Variants in NELL1 observed in about 807,000 individuals in gnomAD.
The protein encoded by NELL1 is protein kinase C-binding protein NELL1.
A neutral mutation model predicts 107.4 loss-of-function variants in NELL1; 76 were observed. That is an observed-to-expected ratio of 0.71 (90% CI 0.59 to 0.86). NELL1 has a LOEUF of 0.86. Ranked by LOEUF, NELL1 falls within the 40% of genes least tolerant of loss-of-function variation. NELL1 has a pLI of 0.00. For missense variants in NELL1, 1,024 were observed against 1,005.5 expected, an observed-to-expected ratio of 1.02 and a Z score of -0.25; for synonymous variants, 353 against 341.2, an observed-to-expected ratio of 1.03 and a Z score of -0.38.
intron 15 of NELL1, among the ~76,000 whole-genome samples, chr11:21,382,566 G>A (rs905187246): frequency 1.3e-5 from 2 of 151,966 alleles, no homozygotes; most frequent in Admixed American, 1.3e-4. Context: ...CTAAGTTAAA[G>A]TATATTATAT....
chr11:21,564,917 C>T (rs1301663448), intron 17 of NELL1, among the ~76,000 whole-genome samples: 1 of 151,880 alleles, frequency 6.6e-6, no homozygotes, highest in Non-Finnish European at 1.5e-5. Flanking sequence ...GCGACACTCT[C>T]AAGAACTCAT....
intron 14 of NELL1, among the ~76,000 whole-genome samples, chr11:21,319,850 G>A (rs1849970009): frequency 6.6e-6 from 1 of 151,962 alleles, no homozygotes; most frequent in South Asian, 2.1e-4. Context: ...TCAAAGCACT[G>A]ATAACTGTTA....
At chr11:21,030,701 A>G (rs1852934889) in intron 12 of NELL1, among the ~76,000 whole-genome samples, 1 of 151,320 alleles carries the variant, frequency 6.6e-6, no homozygotes, top group African/African-American at 2.4e-5. Flanking sequence ...TTTGCAAAAA[A>G]GATGTTCTAA....
intron 14 of NELL1, among the ~76,000 whole-genome samples, chr11:21,232,237 G>A (rs1858081586): frequency 6.7e-6 from 1 of 148,694 alleles, no homozygotes; most frequent in African/African-American, 2.5e-5. Context: ...GGCTGAGGCA[G>A]GCGAATTGCT....
At chr11:21,364,270 G>A (rs1851158187) in intron 14 of NELL1, among the ~76,000 whole-genome samples, 1 of 151,768 alleles carries the variant, frequency 6.6e-6, no homozygotes, top group Non-Finnish European at 1.5e-5. Flanking sequence ...AATTAGCTGG[G>A]CGTGGTGGCG....
intron 14 of NELL1, among the ~76,000 whole-genome samples, chr11:21,343,889 C>G (rs1236803730): frequency 1.3e-5 from 2 of 152,144 alleles, no homozygotes; most frequent in African/African-American, 4.8e-5. Flanking sequence ...GGGGCTCAAT[C>G]AATGTTAATT....
At chr11:20,754,050 C>A (rs939706099) in intron 2 of NELL1, among the ~76,000 whole-genome samples, 1 of 152,148 alleles carries the variant, frequency 6.6e-6, no homozygotes, top group Non-Finnish European at 1.5e-5. Context: ...GAACCCCATG[C>A]CTACCCATAG....
At chr11:21,109,614 A>C (rs746735547) in intron 12 of NELL1, among the ~76,000 whole-genome samples, 1 of 152,138 alleles carries the variant, frequency 6.6e-6, no homozygotes, top group Non-Finnish European at 1.5e-5. Context: ...CTTTGGTCCA[A>C]CTCAATTTCT....
At chr11:21,350,094 A>ATT (rs1038728978) in intron 14 of NELL1, among the ~76,000 whole-genome samples, 1 of 152,048 alleles carries the variant, frequency 6.6e-6, no homozygotes, top group African/African-American at 2.4e-5. Context: ...CATCACATCC[A>ATT]TTTTTTTCTG....
chr11:21,081,606 G>A (rs537245464), intron 12 of NELL1, among the ~76,000 whole-genome samples: 1 of 152,296 alleles, frequency 6.6e-6, no homozygotes, highest in African/African-American at 2.4e-5. Context: ...AACACTGGAA[G>A]CATGAGAGTC....
intron 3 of NELL1, among the ~76,000 whole-genome samples, chr11:20,804,576 G>A (rs551406135): frequency 6.6e-6 from 1 of 152,272 alleles, no homozygotes; most frequent in South Asian, 2.1e-4. Flanking sequence ...TAATTTCCAT[G>A]TGTTTGTATA....
At chr11:21,349,931 A>G (rs1850766473) in intron 14 of NELL1, among the ~76,000 whole-genome samples, 1 of 152,134 alleles carries the variant, frequency 6.6e-6, no homozygotes, top group African/African-American at 2.4e-5. Flanking sequence ...CTATATTGTA[A>G]TCATTTCAAT....
chr11:20,693,645 C>T (rs377526286), intron 2 of NELL1, among the ~76,000 whole-genome samples: 21 of 152,012 alleles, frequency 1.4e-4, no homozygotes, highest in Admixed American at 2.0e-4. Context: ...GAGTTTCTGC[C>T]GAGAGATCCG....
At chr11:21,219,160 G>T (rs150484715) in intron 13 of NELL1, among the ~76,000 whole-genome samples, 123 of 152,120 alleles carry the variant, frequency 8.1e-4, no homozygotes, top group African/African-American at 2.8e-3. Context: ...CTATCTTTTC[G>T]ATATAGGCCA....
intron 2 of NELL1, among the ~76,000 whole-genome samples, chr11:20,776,088 G>GT (rs1474394285): frequency 6.6e-6 from 1 of 152,186 alleles, no homozygotes; most frequent in Non-Finnish European, 1.5e-5. Context: ...TGTGCTTGGT[G>GT]TAGTGTACAT....
chr11:21,129,432 G>T lies in NELL1; in HGVS notation c.1426+15718G>T, dbSNP rs140181929. Among the ~76,000 whole-genome samples the T allele has an allele frequency of 2.8e-3, 429 of 152,298 alleles. 3 individuals are homozygous for T. The highest frequency in any genetic ancestry group is 9.6e-3 in the African/African-American group (400 of 41,574). ...GGGTATATACCCAAAAGAATTGAAA[G>T]TAGGGTCTTGAAGAGATATTTGCAC... On this transcript the variant is annotated intron_variant, in intron 13 of 19. Transcript: ENST00000357134.
At position 21,455,935 on chromosome 11, in the gene NELL1, C is replaced by T. The variant is rs150880770; in HGVS notation, c.1646-78439C>T. Among the ~76,000 whole-genome samples the T allele has an allele frequency of 5.4e-3, 803 of 150,052 alleles. 5 individuals carry two copies. The highest frequency in any genetic ancestry group is 0.017 in the African/African-American group (687 of 40,566). ...GTGGAGTCTCGCTTTGTCGCCCATG[C>T]TGGAGTGCAGTGGCATGATCTCGGC... is the stretch of plus-strand genomic sequence containing the variant. On this transcript the variant is annotated intron_variant, in intron 15 of 19. Transcript: ENST00000357134.
At chr11:21,476,637 G>A (rs1854340172) in intron 15 of NELL1, among the ~76,000 whole-genome samples, 1 of 152,114 alleles carries the variant, frequency 6.6e-6, no homozygotes, top group Non-Finnish European at 1.5e-5. Flanking sequence ...AAATCACTGT[G>A]AGTGATCACA....
intron 12 of NELL1, among the ~76,000 whole-genome samples, chr11:20,993,260 ATG>A (rs752993111): frequency 6.6e-6 from 1 of 152,132 alleles, no homozygotes; most frequent in Non-Finnish European, 1.5e-5. Flanking sequence ...CATAATCATG[ATG>A]TCATGATTGC....
Sources: allele counts gnomAD v4.1 joint callset (sites outside exome capture counted in the v4.1 genomes callset), GRCh38; gene constraint gnomAD v4.1.1; transcripts MANE v1.5; gene names NCBI Gene and HGNC (gene_info 2026-07-23, HGNC 2026-07-21).